RANBP2: variants seen among roughly 807,000 people sequenced by gnomAD.
RANBP2 encodes RAN binding protein 2.
A neutral mutation model predicts 303.6 loss-of-function variants in RANBP2; 57 were observed. The ratio of observed to expected loss-of-function variants is 0.19; its 90% CI spans 0.15 to 0.23. The LOEUF is 0.23. Among genes scored for constraint, RANBP2 ranks in the 10% least tolerant of loss-of-function variants. The pLI is 1.00. For missense variants in RANBP2, 3,138 were observed against 3,780.8 expected, an observed-to-expected ratio of 0.83 and a Z score of 4.46; for synonymous variants, 1,167 against 1,301.5, an observed-to-expected ratio of 0.90 and a Z score of 2.23.
In RANBP2 at chr2:108,758,664, C is replaced by T. The variant is rs900259379; in HGVS notation, c.2602+116C>T. ...ATATGTTTGTTAATATACATGTCAA[C>T]GTCTGTTTATATGTGACTTCAAAAG... On this transcript the variant is annotated intron_variant, in intron 18 of 28. Coordinates refer to ENST00000283195, the MANE Select transcript of RANBP2 (RefSeq NM_006267.5). 34 of 1,556,914 alleles carry T rather than the reference C, an allele frequency of 2.2e-5. No homozygotes were observed. The South Asian group carries it at 2.8e-4, about 13-fold the overall frequency.
At chr2:109,204,445 G>C in the RANBP2 span, among the ~76,000 whole-genome samples, 4 of 152,188 alleles carry the variant, frequency 2.6e-5, no homozygotes, top group Admixed American at 6.5e-5. Context: ...TGTAGTTTTT[G>C]TTAAAACTGG....
chr2:108,856,257 G>A, the RANBP2 span, among the ~76,000 whole-genome samples: 1 of 151,666 alleles, frequency 6.6e-6, no homozygotes, highest in Non-Finnish European at 1.5e-5. Context: ...AATGGCAGAT[G>A]TATCATGAAA....
the RANBP2 span, among the ~76,000 whole-genome samples, chr2:109,352,816 C>T: frequency 1.3e-5 from 2 of 152,224 alleles, no homozygotes; most frequent in Non-Finnish European, 2.9e-5. Flanking sequence ...AGAGCACCCT[C>T]TTAGCCACTA....
the RANBP2 span, among the ~76,000 whole-genome samples, chr2:109,333,719 A>C: frequency 6.6e-6 from 1 of 152,214 alleles, no homozygotes; most frequent in Non-Finnish European, 1.5e-5. Context: ...AAACTGCTAG[A>C]GTTTAAATCC....
the RANBP2 span, among the ~76,000 whole-genome samples, chr2:109,512,531 C>T: frequency 1.3e-5 from 2 of 152,230 alleles, no homozygotes; most frequent in African/African-American, 4.8e-5. Context: ...TCGCTACCCT[C>T]CCTGGTCTAC....
chr2:108,798,511 C>A, the RANBP2 span: 1 of 1,613,862 alleles, frequency 6.2e-7, no homozygotes. Context: ...AACTGCTTTT[C>A]AGACATGAAA....
chr2:109,629,343 ATATATATATATATTT>A, the RANBP2 span, among the ~76,000 whole-genome samples: 17 of 7,066 alleles, frequency 2.4e-3, no homozygotes, highest in South Asian at 6.5e-3. Context: ...ATATATATAT[ATATATATATATATTT>A]TTTTTTTTTT....
chr2:109,206,318 G>T, the RANBP2 span, among the ~76,000 whole-genome samples: 1 of 151,892 alleles, frequency 6.6e-6, no homozygotes, highest in African/African-American at 2.4e-5. Flanking sequence ...GTGAAACCCT[G>T]TCTCTACTAA....
At chr2:108,821,288 G>T in the RANBP2 span, among the ~76,000 whole-genome samples, 1 of 152,126 alleles carries the variant, frequency 6.6e-6, no homozygotes, top group African/African-American at 2.4e-5. Flanking sequence ...AACCTGGGAG[G>T]CAGAGGTTGC....
At chr2:109,691,746 C>T in the RANBP2 span, among the ~76,000 whole-genome samples, 1 of 150,686 alleles carries the variant, frequency 6.6e-6, no homozygotes, top group African/African-American at 2.4e-5. Flanking sequence ...CTGTTTCCAC[C>T]TCCAACTTTA....
chr2:109,603,832 G>A, the RANBP2 span, among the ~76,000 whole-genome samples: 77 of 152,062 alleles, frequency 5.1e-4, 1 homozygote, highest in East Asian at 0.011. Flanking sequence ...TCAGCAGTTC[G>A]ATACCAGCCT....
the RANBP2 span, among the ~76,000 whole-genome samples, chr2:109,570,410 A>C: frequency 6.6e-6 from 1 of 152,230 alleles, no homozygotes; most frequent in South Asian, 2.1e-4. Flanking sequence ...GATTCAACCA[A>C]CTGAGGATCA....
the RANBP2 span, among the ~76,000 whole-genome samples, chr2:109,717,332 A>T: frequency 6.6e-6 from 1 of 150,556 alleles, no homozygotes; most frequent in Admixed American, 6.7e-5. Flanking sequence ...CTGTAATCCC[A>T]GCACTTTGGG....
chr2:109,169,788 A>C, the RANBP2 span, among the ~76,000 whole-genome samples: 1 of 152,060 alleles, frequency 6.6e-6, no homozygotes, highest in Admixed American at 6.5e-5. Flanking sequence ...CCCCAAAATC[A>C]AATAGGCTGA....
chr2:109,630,328 C>T, the RANBP2 span, among the ~76,000 whole-genome samples: 2 of 152,184 alleles, frequency 1.3e-5, no homozygotes, highest in South Asian at 2.1e-4. Context: ...AGAGCCAGCA[C>T]TCCTCTATCT....
At chr2:109,166,151 G>A in the RANBP2 span, among the ~76,000 whole-genome samples, 24 of 152,114 alleles carry the variant, frequency 1.6e-4, no homozygotes, top group African/African-American at 5.8e-4. Flanking sequence ...TTCTTAATAT[G>A]GTTGGCTTTT....
chr2:108,804,001 C>T, the RANBP2 span, among the ~76,000 whole-genome samples: 5 of 152,138 alleles, frequency 3.3e-5, no homozygotes, highest in Non-Finnish European at 7.4e-5. Context: ...AGATTAACTT[C>T]TTAGAATATT....
At chr2:109,376,491 T>C in the RANBP2 span, among the ~76,000 whole-genome samples, 1 of 152,306 alleles carries the variant, frequency 6.6e-6, no homozygotes, top group South Asian at 2.1e-4. Flanking sequence ...GATTCTCGTC[T>C]GCGAGGAAAA....
chr2:109,394,994 A>G, the RANBP2 span, among the ~76,000 whole-genome samples: 2 of 152,250 alleles, frequency 1.3e-5, no homozygotes, highest in African/African-American at 4.8e-5. Context: ...GTGGCCGGTG[A>G]GGGTCCTTCT....
Sources: allele counts gnomAD v4.1 joint callset (sites outside exome capture counted in the v4.1 genomes callset), GRCh38; gene constraint gnomAD v4.1.1; transcripts MANE v1.5; gene names NCBI Gene and HGNC (gene_info 2026-07-23, HGNC 2026-07-21).